SEMA6D: variants seen among roughly 807,000 people sequenced by gnomAD.
SEMA6D encodes semaphorin 6D.
Under a neutral mutation model 106.6 loss-of-function variants are expected in SEMA6D, and 35 were observed. The ratio of observed to expected loss-of-function variants is 0.33; its 90% CI spans 0.25 to 0.44. The LOEUF (loss-of-function observed/expected upper bound fraction) is 0.44. Ranked by LOEUF, SEMA6D falls within the 20% of genes least tolerant of loss-of-function variation. SEMA6D has a pLI of 1.00. For missense variants in SEMA6D, 1,185 were observed against 1,345.9 expected (o/e 0.88, Z 1.87); for synonymous variants, 499 against 487.7 (o/e 1.02, Z -0.31).
At chr15:47,643,890 A>C (rs563000656) in intron 4 of SEMA6D, among the ~76,000 whole-genome samples, 88 of 152,286 alleles carry the variant, frequency 5.8e-4, no homozygotes, top group African/African-American at 2.1e-3. Flanking sequence ...GTATCCATTA[A>C]CCAACCTCTT....
intron 3 of SEMA6D, among the ~76,000 whole-genome samples, chr15:47,494,779 T>C (rs2043593689): frequency 1.0e-5 from 1 of 96,694 alleles, no homozygotes; most frequent in Non-Finnish European, 1.9e-5. Flanking sequence ...TATATATATA[T>C]ATATATATAT....
At chr15:47,567,152 T>C (rs1263582861) in intron 3 of SEMA6D, among the ~76,000 whole-genome samples, 4 of 151,952 alleles carry the variant, frequency 2.6e-5, no homozygotes, top group Non-Finnish European at 2.9e-5. Context: ...CATTGAAGAG[T>C]TTTTGTGTAA....
intron 1 of SEMA6D, among the ~76,000 whole-genome samples, chr15:47,232,492 A>G (rs2032266731): frequency 6.6e-6 from 1 of 150,378 alleles, no homozygotes; most frequent in Non-Finnish European, 1.5e-5. Flanking sequence ...ATTTCTCCAT[A>G]TCCTTTCTAG....
chr15:47,720,261 CTTTTTTTTTTTTT>C (rs869122623), intron 1 of SEMA6D, among the ~76,000 whole-genome samples: 4,372 of 97,428 alleles, frequency 0.045, 263 homozygotes, highest in African/African-American at 0.16. Context: ...AATAACCTTT[CTTTTTTTTTTTTT>C]TTTTTTTTTT....
chr15:47,681,500 A>G (rs1321996103), intron 4 of SEMA6D, among the ~76,000 whole-genome samples: 2 of 152,224 alleles, frequency 1.3e-5, no homozygotes, highest in African/African-American at 4.8e-5. Flanking sequence ...GTGATGCAAG[A>G]TGAAAAATTT....
At chr15:47,759,954 C>A in intron 2 of SEMA6D, 47 bp downstream of exon 2, 2 of 1,380,012 alleles carry the variant, frequency 1.4e-6, no homozygotes, top group Middle Eastern at 1.8e-4. Context: ...GGAAGCTTTT[C>A]TGTTTTTCAT....
intron 1 of SEMA6D, among the ~76,000 whole-genome samples, chr15:47,396,917 G>A (rs2040230775): frequency 1.3e-5 from 2 of 152,146 alleles, no homozygotes; most frequent in Admixed American, 6.6e-5. Context: ...CCTTTGATCT[G>A]TGTCTCCTTT....
chr15:47,201,166 T>G (rs6493264), intron 1 of SEMA6D, among the ~76,000 whole-genome samples: 64,256 of 152,108 alleles, frequency 0.42, 14,370 homozygotes, highest in African/African-American at 0.54. Flanking sequence ...ACATTATGCT[T>G]CTTTGTTTGT....
intron 1 of SEMA6D, among the ~76,000 whole-genome samples, chr15:47,733,272 C>T (rs952368018): frequency 6.6e-6 from 1 of 152,144 alleles, no homozygotes; most frequent in South Asian, 2.1e-4. Context: ...TCCTCCTTCA[C>T]CCTGTCCTGT....
chr15:47,249,674 T>A (rs1173958566), intron 1 of SEMA6D, among the ~76,000 whole-genome samples: 2 of 152,122 alleles, frequency 1.3e-5, no homozygotes, highest in Non-Finnish European at 2.9e-5. Flanking sequence ...AGAAAGGATG[T>A]GGGAAGAGGC....
At chr15:47,256,899 A>C (rs1316463312) in intron 1 of SEMA6D, among the ~76,000 whole-genome samples, 1 of 152,016 alleles carries the variant, frequency 6.6e-6, no homozygotes, top group East Asian at 1.9e-4. Context: ...AATATTGTGT[A>C]TATATTTATT....
intron 1 of SEMA6D, among the ~76,000 whole-genome samples, chr15:47,233,341 C>T (rs954065125): frequency 5.9e-5 from 9 of 151,906 alleles, no homozygotes; most frequent in African/African-American, 9.7e-5. Flanking sequence ...ACTGTACTTT[C>T]GCAATAAGTT....
intron 1 of SEMA6D, among the ~76,000 whole-genome samples, chr15:47,242,867 T>C (rs190740359): frequency 6.6e-6 from 1 of 152,266 alleles, no homozygotes; most frequent in East Asian, 1.9e-4. Flanking sequence ...ATGCATAGTA[T>C]AGATGTATAC....
chr15:47,209,192 G>A (rs1423215867), intron 1 of SEMA6D, among the ~76,000 whole-genome samples: 1 of 151,918 alleles, frequency 6.6e-6, no homozygotes, highest in African/African-American at 2.4e-5. Context: ...TAGTACATGG[G>A]GAAATATTTC....
chr15:47,356,564 AG>A (rs2038579096), intron 1 of SEMA6D, among the ~76,000 whole-genome samples: 1 of 98,990 alleles, frequency 1.0e-5, no homozygotes. Flanking sequence ...TAGAGAAGAG[AG>A]AGCGAAAAAA....
chr15:47,385,065 T>TTTTTTTTTTTTA (rs35758807), intron 1 of SEMA6D, among the ~76,000 whole-genome samples: 3,536 of 136,686 alleles, frequency 0.026, 143 homozygotes, highest in African/African-American at 0.057. Flanking sequence ...TTTTTTTTTT[T>TTTTTTTTTTTTA]ACCATAGAAC....
At chr15:47,367,685 C>T (rs984085089) in intron 1 of SEMA6D, among the ~76,000 whole-genome samples, 8 of 42,460 alleles carry the variant, frequency 1.9e-4, no homozygotes, top group East Asian at 1.2e-3. Flanking sequence ...CACACGCGCG[C>T]GCGCGCGCAC....
At chr15:47,232,808 G>A (rs1278876150) in intron 1 of SEMA6D, among the ~76,000 whole-genome samples, 1 of 151,712 alleles carries the variant, frequency 6.6e-6, no homozygotes, top group African/African-American at 2.4e-5. Flanking sequence ...AGCTGTAAGG[G>A]CTATTTATAT....
At chr15:47,570,617 G>T (rs541607183) in intron 3 of SEMA6D, among the ~76,000 whole-genome samples, 1 of 152,262 alleles carries the variant, frequency 6.6e-6, no homozygotes, top group South Asian at 2.1e-4. Context: ...CTCAGCCTGG[G>T]CTGGTCAGCC....
Sources: allele counts gnomAD v4.1 joint callset (sites outside exome capture counted in the v4.1 genomes callset), GRCh38; gene constraint gnomAD v4.1.1; transcripts MANE v1.5; gene names NCBI Gene and HGNC (gene_info 2026-07-23, HGNC 2026-07-21).